The following C7 variants were observed in gnomAD, a reference collection of about 807,000 sequenced individuals.
C7 encodes complement C7.
Under a neutral mutation model 104.8 loss-of-function variants are expected in C7, and 83 were observed. That is an observed-to-expected ratio of 0.79 (90% confidence interval 0.66 to 0.95). C7 has a LOEUF of 0.95. Among genes scored for constraint, C7 ranks in the 40% least tolerant of loss-of-function variants. The pLI is 0.00. For synonymous variants in C7, 415 were observed against 360.6 expected (o/e 1.15, Z -1.71); for missense variants, 1,070 against 1,011.2 (o/e 1.06, Z -0.79).
rs759285960 is a variant in C7, at chr5:40,934,467, G to A, written c.280+1G>A. On this transcript the variant is annotated splice_donor_variant, in intron 4 of 17. Transcript: ENST00000313164. LOFTEE classifies it high-confidence loss of function. Reference sequence around the variant, plus strand: ...GGAGAGCGTTTCAGGTGCTTTTCAGGTAACTTGTTTTCCATAGGCTCAGCA... The same window carrying A: ...GGAGAGCGTTTCAGGTGCTTTTCAGATAACTTGTTTTCCATAGGCTCAGCA... The A allele has an allele frequency of 3.1e-6, 5 of 1,613,404 alleles. No homozygotes were observed. The Admixed American group carries it at 8.3e-5, about 27-fold the overall frequency.
At chr5:40,931,821 C>T (rs1391173639) in intron 3 of C7, among the ~76,000 whole-genome samples, 1 of 152,196 alleles carries the variant, frequency 6.6e-6, no homozygotes, top group Non-Finnish European at 1.5e-5. Context: ...TGCAGTGGCA[C>T]GATCTTGGCT....
intron 1 of C7, among the ~76,000 whole-genome samples, chr5:40,925,828 A>G (rs1739539892): frequency 6.6e-6 from 1 of 152,224 alleles, no homozygotes; most frequent in South Asian, 2.1e-4. Flanking sequence ...TAACCCAAAC[A>G]TTTAAAGTAG....
chr5:40,971,412 T>C (rs1476305218), intron 14 of C7, among the ~76,000 whole-genome samples: 1 of 152,168 alleles, frequency 6.6e-6, no homozygotes, highest in Non-Finnish European at 1.5e-5. Flanking sequence ...TCATATCCTT[T>C]GCCCACTTTT....
At chr5:40,932,682 A>G (rs908124235) in intron 3 of C7, among the ~76,000 whole-genome samples, 2 of 152,230 alleles carry the variant, frequency 1.3e-5, no homozygotes, top group African/African-American at 4.8e-5. Flanking sequence ...GTACATGAAT[A>G]ACAAGCAAAG....
Position 40,972,578 on chromosome 5 carries a change from C to A in C7, c.2058C>A (p.Ala686=), listed in dbSNP as rs770943137. ...AGTGGAGTCCTGAGATGAAGAATGCCCGCTGTGTACAAAAAGGTGAGTGGC... is the reference window on the plus strand; with the variant it reads ...AGTGGAGTCCTGAGATGAAGAATGCACGCTGTGTACAAAAAGGTGAGTGGC... ...SLKWSPEMKN[A]RCVQKENPLT... Residue 686 remains alanine (A), a synonymous_variant, in exon 15 of 18, where the codon GCC becomes GCA. Transcript: ENST00000313164. 1 of 1,601,030 alleles carries A rather than the reference C, an allele frequency of 6.2e-7. No individual in the cohort carries two copies. Among genetic ancestry groups the A allele is most frequent in the South Asian group, 1.1e-5 (1 of 88,474 alleles).
chr5:40,943,178 A>G (rs1739976769), intron 6 of C7, among the ~76,000 whole-genome samples: 1 of 152,244 alleles, frequency 6.6e-6, no homozygotes, highest in South Asian at 2.1e-4. Context: ...CAAGAAGCCT[A>G]AGCTGAAACA....
chr5:40,916,065 C>T (rs904962743), intron 1 of C7, among the ~76,000 whole-genome samples: 5 of 149,798 alleles, frequency 3.3e-5, no homozygotes, highest in Non-Finnish European at 7.4e-5. Context: ...ATTGTATCTT[C>T]TCCATCACCT....
At chr5:40,950,439 C>T (rs1740144555) in intron 9 of C7, among the ~76,000 whole-genome samples, 4 of 152,062 alleles carry the variant, frequency 2.6e-5, no homozygotes, top group Admixed American at 2.6e-4. Flanking sequence ...CACACTTTAT[C>T]CAGTTTATCA....
chr5:40,939,966 A>T (rs1301425550), intron 6 of C7, among the ~76,000 whole-genome samples: 1 of 152,210 alleles, frequency 6.6e-6, no homozygotes, highest in East Asian at 1.9e-4. Flanking sequence ...CTGCTATAGA[A>T]TGAGGAACAG....
At chr5:40,965,649 T>TATATATA (rs1554043911) in intron 14 of C7, among the ~76,000 whole-genome samples, 9 of 26,636 alleles carry the variant, frequency 3.4e-4, no homozygotes, top group African/African-American at 2.0e-3. Context: ...TATATATATA[T>TATATATA]TTTTTTTTTG....
At chr5:40,941,168 A>T (rs1338514198) in intron 6 of C7, among the ~76,000 whole-genome samples, 1 of 151,342 alleles carries the variant, frequency 6.6e-6, no homozygotes, top group East Asian at 2.0e-4. Context: ...TGTTCAAGCG[A>T]TTCTCATGCC....
At chr5:40,930,999 A>C in intron 2 of C7, 65 bp from the exon 3 acceptor site, 1 of 1,102,510 alleles carries the variant, frequency 9.1e-7, no homozygotes, top group South Asian at 1.3e-5. Context: ...TGTTTTCACT[A>C]TTCTTTGTGT....
intron 17 of C7, among the ~76,000 whole-genome samples, chr5:40,980,594 T>C (rs140101371): frequency 1.3e-5 from 2 of 152,248 alleles, no homozygotes; most frequent in East Asian, 1.9e-4. Flanking sequence ...CTCCCATGAT[T>C]TGGGCAGTAC....
At chr5:40,960,870 G>A (rs1279962288) in intron 12 of C7, among the ~76,000 whole-genome samples, 1 of 152,022 alleles carries the variant, frequency 6.6e-6, no homozygotes, top group Admixed American at 6.6e-5. Flanking sequence ...ATTGTTTAAT[G>A]ACAGATGTCA....
At chr5:40,964,664 T>A (rs2111683003) in intron 13 of C7, 77 bp from the exon 14 acceptor site, 1 of 1,276,578 alleles carries the variant, frequency 7.8e-7, no homozygotes, top group East Asian at 2.3e-5. Context: ...ATTTATAGAC[T>A]GAATATATGT....
intron 6 of C7, 145 bp from the exon 7 acceptor site, chr5:40,945,053 A>G (rs534219955): frequency 1.8e-6 from 1 of 553,968 alleles, no homozygotes; most frequent in African/African-American, 2.0e-5. Flanking sequence ...CCTTATAATC[A>G]TACTGGCCTG....
intron 16 of C7, among the ~76,000 whole-genome samples, chr5:40,977,649 T>G (rs1471673365): frequency 6.6e-6 from 1 of 152,182 alleles, no homozygotes; most frequent in Non-Finnish European, 1.5e-5. Context: ...TGCACTGTCC[T>G]TCCTGCCTCG....
rs1188361813 is a variant in C7 at position 40,982,811 on chromosome 5, T to G, written c.*1238T>G. ...GCTGTGGGAGGAGAAATGAGAGGGC[T>G]TAAATGAAATTTAAAATAAGCTATA... On this transcript the variant is annotated 3_prime_UTR_variant, in exon 18 of 18. Transcript: ENST00000313164. 1 of 152,374 alleles carries G rather than the reference T, an allele frequency of 6.6e-6. No individual in the cohort carries two copies. Among genetic ancestry groups the G allele is most frequent in the East Asian group, 1.9e-4 (1 of 5,328 alleles). 9.4% of individuals were successfully genotyped at this position (152,374 alleles called of 1,614,324 possible). A position where few individuals can be genotyped will look rare whatever the true frequency, so the allele number is the denominator to read the frequency against.
At chr5:40,967,144 C>T (rs1740573908) in intron 14 of C7, among the ~76,000 whole-genome samples, 1 of 151,056 alleles carries the variant, frequency 6.6e-6, no homozygotes, top group Non-Finnish European at 1.5e-5. Flanking sequence ...TGCCTCACTG[C>T]AACCTCCGCC....
Sources: gnomAD v4.1 joint callset for allele counts (sites outside exome capture counted in the v4.1 genomes callset) on GRCh38, gnomAD v4.1.1 for gene constraint, MANE v1.5 for transcripts, NCBI Gene and HGNC (gene_info 2026-07-23, HGNC 2026-07-21) for gene names.